ADCY8: variants seen among roughly 807,000 people sequenced by gnomAD.
ADCY8 encodes adenylate cyclase type 8.
Under a neutral mutation model 119.7 loss-of-function variants are expected in ADCY8, and 51 were observed. The ratio of observed to expected loss-of-function variants is 0.43; its 90% CI spans 0.34 to 0.54. The LOEUF (loss-of-function observed/expected upper bound fraction) is 0.54. Ranked by LOEUF, ADCY8 falls within the 20% of genes least tolerant of loss-of-function variation. The pLI is 0.03. For missense variants in ADCY8, 1,383 were observed against 1,598.8 expected (o/e 0.87, Z 2.30); for synonymous variants, 665 against 651.0 (o/e 1.02, Z -0.33).
At chr8:131,008,597 A>G (rs940396676) in intron 1 of ADCY8, among the ~76,000 whole-genome samples, 4 of 152,190 alleles carry the variant, frequency 2.6e-5, no homozygotes, top group African/African-American at 7.2e-5. Flanking sequence ...TCTTCATAGT[A>G]GTGTGAGAAC....
intron 7 of ADCY8, among the ~76,000 whole-genome samples, chr8:130,887,013 T>A (rs527842374): frequency 6.6e-6 from 1 of 152,018 alleles, no homozygotes; most frequent in Non-Finnish European, 1.5e-5. Flanking sequence ...AATGATGTAG[T>A]CTCAGAATAA....
At chr8:130,905,252 G>A (rs1819743463) in intron 6 of ADCY8, among the ~76,000 whole-genome samples, 1 of 152,166 alleles carries the variant, frequency 6.6e-6, no homozygotes, top group Non-Finnish European at 1.5e-5. Flanking sequence ...CTCAAGGCTT[G>A]CAGAAGACTA....
At chr8:130,870,018 C>CCTTTT (rs1554610130) in intron 8 of ADCY8, among the ~76,000 whole-genome samples, 1 of 115,882 alleles carries the variant, frequency 8.6e-6, no homozygotes, top group Non-Finnish European at 1.8e-5. Flanking sequence ...CTTTCTTCTT[C>CCTTTT]TTTTTTTTTT....
At chr8:130,934,779 C>G (rs1820736148) in intron 5 of ADCY8, among the ~76,000 whole-genome samples, 1 of 152,212 alleles carries the variant, frequency 6.6e-6, no homozygotes, top group African/African-American at 2.4e-5. Context: ...CTACAGAAGA[C>G]AGGGAGATAG....
chr8:130,968,393 G>A (rs1563749350), intron 2 of ADCY8, among the ~76,000 whole-genome samples: 1 of 152,206 alleles, frequency 6.6e-6, no homozygotes, highest in South Asian at 2.1e-4. Context: ...GAAGGGTCTC[G>A]ATCTCCTGAC....
chr8:130,989,864 A>G (rs1295102378), intron 2 of ADCY8, among the ~76,000 whole-genome samples: 1 of 152,194 alleles, frequency 6.6e-6, no homozygotes. Flanking sequence ...TGCCCCCTGC[A>G]ATCCAACTTC....
chr8:131,009,313 C>A (rs1318469115), intron 1 of ADCY8, among the ~76,000 whole-genome samples: 1 of 152,198 alleles, frequency 6.6e-6, no homozygotes, highest in Admixed American at 6.5e-5. Flanking sequence ...GAGCCCCAGT[C>A]ATGGCTAAAA....
intron 15 of ADCY8, among the ~76,000 whole-genome samples, chr8:130,786,864 G>C (rs939676610): frequency 6.6e-6 from 1 of 152,104 alleles, no homozygotes; most frequent in Non-Finnish European, 1.5e-5. Flanking sequence ...GTTCTAAAGG[G>C]TGAGGAGGGG....
At chr8:130,967,701 GT>G (rs199852701) in intron 2 of ADCY8, among the ~76,000 whole-genome samples, 5 of 150,930 alleles carry the variant, frequency 3.3e-5, no homozygotes, top group South Asian at 2.1e-4. Context: ...ATATTTTGTT[GT>G]TTTTTTTTCT....
At chr8:130,997,070 G>A (rs180862705) in intron 1 of ADCY8, among the ~76,000 whole-genome samples, 1 of 152,180 alleles carries the variant, frequency 6.6e-6, no homozygotes, top group East Asian at 1.9e-4. Flanking sequence ...TGAATAAATT[G>A]TGGTCTGTGT....
At chr8:130,901,228 T>C (rs989565709) in intron 7 of ADCY8, among the ~76,000 whole-genome samples, 31 of 146,466 alleles carry the variant, frequency 2.1e-4, no homozygotes, top group African/African-American at 6.1e-4. Flanking sequence ...TGATTTTTTT[T>C]CCCCATCCCT....
At chr8:130,980,816 A>G (rs1415623807) in intron 2 of ADCY8, among the ~76,000 whole-genome samples, 1 of 152,218 alleles carries the variant, frequency 6.6e-6, no homozygotes, top group Non-Finnish European at 1.5e-5. Flanking sequence ...TTTTTAAAAG[A>G]TAAACTTGGA....
At chr8:130,948,170 T>TG (rs1208259387) in intron 3 of ADCY8, among the ~76,000 whole-genome samples, 5 of 152,152 alleles carry the variant, frequency 3.3e-5, no homozygotes, top group Non-Finnish European at 4.4e-5. Flanking sequence ...AGTGAACACT[T>TG]GCATGAATAA....
intron 11 of ADCY8, among the ~76,000 whole-genome samples, chr8:130,841,087 A>G (rs1021864258): frequency 6.6e-6 from 1 of 152,042 alleles, no homozygotes; most frequent in African/African-American, 2.4e-5. Flanking sequence ...CATTAGATGA[A>G]CTCCAGGTAA....
At chr8:130,940,421 C>A (rs1378262735) in intron 4 of ADCY8, among the ~76,000 whole-genome samples, 1 of 152,112 alleles carries the variant, frequency 6.6e-6, no homozygotes, top group East Asian at 1.9e-4. Context: ...ATTCTTCCAA[C>A]AAAATGTGGA....
intron 2 of ADCY8, among the ~76,000 whole-genome samples, chr8:130,953,824 C>A (rs565641088): frequency 6.6e-6 from 1 of 152,152 alleles, no homozygotes; most frequent in Non-Finnish European, 1.5e-5. Flanking sequence ...AATGAAATGC[C>A]CATTGAATGA....
intron 7 of ADCY8, among the ~76,000 whole-genome samples, chr8:130,897,657 A>G (rs1819439922): frequency 6.6e-6 from 1 of 150,748 alleles, no homozygotes; most frequent in Non-Finnish European, 1.5e-5. Context: ...AGTGACCCAC[A>G]TATATGAGAG....
At chr8:130,843,825 T>A (rs1817218789) in intron 11 of ADCY8, among the ~76,000 whole-genome samples, 6 of 152,168 alleles carry the variant, frequency 3.9e-5, no homozygotes, top group Admixed American at 3.9e-4. Flanking sequence ...ATGGAAAGGA[T>A]GTCCTAGATA....
chr8:130,913,614 G>T (rs188724359), intron 5 of ADCY8, among the ~76,000 whole-genome samples: 57 of 152,040 alleles, frequency 3.7e-4, no homozygotes, highest in African/African-American at 1.4e-3. Flanking sequence ...TCTAACCAGG[G>T]TCCTTGAATC....
Sources: gnomAD v4.1 joint callset for allele counts (sites outside exome capture counted in the v4.1 genomes callset) on GRCh38, gnomAD v4.1.1 for gene constraint, MANE v1.5 for transcripts, NCBI Gene and HGNC (gene_info 2026-07-23, HGNC 2026-07-21) for gene names.